ATP10D: variants seen among roughly 807,000 people sequenced by gnomAD.
ATP10D encodes ATPase phospholipid transporting 10D (putative).
ATP10D carries 89 observed loss-of-function variants against 144.8 expected under a neutral mutation model. That is an observed-to-expected ratio of 0.61 (90% CI 0.52 to 0.73). ATP10D has a LOEUF of 0.73. Among genes scored for constraint, ATP10D ranks in the 30% least tolerant of loss-of-function variants. ATP10D has a pLI of 0.00. For missense variants in ATP10D, 1,603 were observed against 1,714.8 expected, an observed-to-expected ratio of 0.93 and a Z score of 1.15; for synonymous variants, 571 against 615.1, an observed-to-expected ratio of 0.93 and a Z score of 1.06.
At chr4:47,516,654 C>T (rs1716703293) in intron 3 of ATP10D, among the ~76,000 whole-genome samples, 1 of 152,176 alleles carries the variant, frequency 6.6e-6, no homozygotes, top group Non-Finnish European at 1.5e-5. Flanking sequence ...CAGTGACTTT[C>T]ACAATGTTTG....
intron 8 of ATP10D, 58 bp downstream of exon 8, chr4:47,536,622 T>C: frequency 6.2e-7 from 1 of 1,602,422 alleles, no homozygotes; most frequent in East Asian, 2.2e-5. Flanking sequence ...TATCCAGCTA[T>C]GTTCAGTTTC....
chr4:47,536,169 C>A, intron 7 of ATP10D, 136 bp downstream of exon 7: 1 of 1,138,516 alleles, frequency 8.8e-7, no homozygotes, highest in Non-Finnish European at 1.2e-6. Context: ...ATCCTTGTCT[C>A]TTTCATCCTT....
chr4:47,572,147 CATGA>C lies in ATP10D; in HGVS notation c.3164-5_3164-2del. 6.2e-7 allele frequency: 1 copy of C among 1,613,548 alleles called. No individual in the cohort carries two copies. The highest frequency in any genetic ancestry group is 1.3e-5 in the African/African-American group (1 of 74,964). On this transcript the variant is annotated splice_region_variant and splice_polypyrimidine_tract_variant and intron_variant, in intron 16 of 22. Coordinates refer to ENST00000273859, the MANE Select transcript of ATP10D (RefSeq NM_020453.4). Reference sequence around the variant, plus strand: ...ATGTTTCTCTCCTTTTTTTCTGCCTCATGAAGGTGATGGTGCCAATGATGTTAGC... The same window carrying C: ...ATGTTTCTCTCCTTTTTTTCTGCCTCAGGTGATGGTGCCAATGATGTTAGC...
At chr4:47,488,845 T>A (rs1368826502) in intron 1 of ATP10D, among the ~76,000 whole-genome samples, 1 of 152,152 alleles carries the variant, frequency 6.6e-6, no homozygotes, top group South Asian at 2.1e-4. Context: ...ATTAGTGCCC[T>A]CATAAAAGAG....
chr4:47,523,091 A>G lies in ATP10D; in HGVS notation c.565A>G (p.Ile189Val). 6.2e-7 allele frequency: 1 copy of G among 1,613,972 alleles called. No individual in the cohort carries two copies. The highest frequency in any genetic ancestry group is 1.1e-5 in the South Asian group (1 of 91,084). ...TATTCGCCTCTCCTGCAACGAGGTCATCCCTGCAGACATGGTACTACTCTT... is the reference window on the plus strand; with the variant it reads ...TATTCGCCTCTCCTGCAACGAGGTCGTCCCTGCAGACATGGTACTACTCTT... ...DFIRLSCNEVIPADMVLLFST... is the reference protein window; with the variant it reads ...DFIRLSCNEVVPADMVLLFST... The change falls in exon 4 of 23, where the codon ATC becomes GTC. Residue 189 changes from isoleucine to valine, a missense_variant. Ile to Val is a conservative substitution (Grantham distance 29). Transcript: ENST00000273859.
At chr4:47,514,471 G>A (rs763588700) in intron 2 of ATP10D, among the ~76,000 whole-genome samples, 5 of 152,138 alleles carry the variant, frequency 3.3e-5, no homozygotes, top group Non-Finnish European at 7.4e-5. Flanking sequence ...CAAAAAAGAA[G>A]TATATATAGA....
intron 1 of ATP10D, among the ~76,000 whole-genome samples, chr4:47,511,541 G>T (rs1716327636): frequency 6.6e-6 from 1 of 152,036 alleles, no homozygotes; most frequent in Non-Finnish European, 1.5e-5. Flanking sequence ...ATTTTGTTTT[G>T]ATTAACAAAC....
intron 4 of ATP10D, among the ~76,000 whole-genome samples, chr4:47,523,620 G>A (rs928733762): frequency 4.6e-5 from 7 of 152,104 alleles, no homozygotes; most frequent in Admixed American, 1.3e-4. Flanking sequence ...TTGTGCAGAC[G>A]GAAACAGAAA....
At chr4:47,506,202 C>G (rs181636654) in intron 1 of ATP10D, among the ~76,000 whole-genome samples, 34 of 152,088 alleles carry the variant, frequency 2.2e-4, no homozygotes, top group Non-Finnish European at 3.2e-4. Flanking sequence ...ATATTAATCG[C>G]ATTATATAGT....
chr4:47,543,171 A>T (rs1718245928), intron 9 of ATP10D, among the ~76,000 whole-genome samples: 1 of 152,012 alleles, frequency 6.6e-6, no homozygotes, highest in African/African-American at 2.4e-5. Flanking sequence ...TATTGTTGTT[A>T]ATCTTTTACT....
intron 15 of ATP10D, among the ~76,000 whole-genome samples, chr4:47,565,474 G>A (rs1719577647): frequency 6.6e-6 from 1 of 152,214 alleles, no homozygotes; most frequent in African/African-American, 2.4e-5. Context: ...TGGCTGGTAA[G>A]ACTAGGGATC....
intron 12 of ATP10D, among the ~76,000 whole-genome samples, 175 bp downstream of exon 12, chr4:47,558,448 C>G (rs1471917741): frequency 6.6e-6 from 1 of 152,150 alleles, no homozygotes; most frequent in Non-Finnish European, 1.5e-5. Flanking sequence ...TTGGGGCTAC[C>G]CAGATCTGAG....
chr4:47,588,001 A>G (rs755302180), intron 22 of ATP10D, among the ~76,000 whole-genome samples: 2 of 152,120 alleles, frequency 1.3e-5, no homozygotes, highest in South Asian at 4.1e-4. Flanking sequence ...ATGTAGTGGC[A>G]TGAACCTACA....
intron 5 of ATP10D, among the ~76,000 whole-genome samples, chr4:47,527,074 T>A (rs1441812043): frequency 2.0e-5 from 3 of 152,088 alleles, no homozygotes; most frequent in African/African-American, 7.2e-5. Context: ...GGTATAATAA[T>A]CAGGCCAGTG....
intron 10 of ATP10D, among the ~76,000 whole-genome samples, chr4:47,549,995 G>C (rs541992111): frequency 1.3e-5 from 2 of 151,826 alleles, no homozygotes; most frequent in Non-Finnish European, 2.9e-5. Context: ...GGAATCAGTG[G>C]GGAGGGGGTG....
intron 4 of ATP10D, 119 bp from the exon 5 acceptor site, chr4:47,525,438 A>G (rs927582864): frequency 3.7e-5 from 26 of 711,522 alleles, no homozygotes; most frequent in Non-Finnish European, 5.9e-5. Context: ...AATTCATGAT[A>G]TGAACTTCAT....
At chr4:47,542,420 C>G (rs1718184436) in intron 9 of ATP10D, among the ~76,000 whole-genome samples, 2 of 151,116 alleles carry the variant, frequency 1.3e-5, no homozygotes, top group Non-Finnish European at 2.9e-5. Context: ...TTATAAAATT[C>G]TCACTGAGCC....
chr4:47,543,358 G>A (rs4599383), intron 9 of ATP10D, among the ~76,000 whole-genome samples: 107,746 of 152,094 alleles, frequency 0.71, 39,202 homozygotes, highest in East Asian at 0.99. Flanking sequence ...ATGGTGTTAC[G>A]TCATCAATAA....
At chr4:47,536,406 A>T in intron 7 of ATP10D, 31 bp from the exon 8 acceptor site, 1 of 1,606,426 alleles carries the variant, frequency 6.2e-7, no homozygotes, top group Middle Eastern at 1.7e-4. Context: ...TATATTTAGC[A>T]TCCTTTTGAT....
Sources: allele counts gnomAD v4.1 joint callset (sites outside exome capture counted in the v4.1 genomes callset), GRCh38; gene constraint gnomAD v4.1.1; transcripts MANE v1.5; gene names NCBI Gene and HGNC (gene_info 2026-07-23, HGNC 2026-07-21).